Variants in PACS2 observed in about 807,000 individuals in gnomAD.
PACS2 encodes the protein PACS1-like protein.
Under a neutral mutation model 113.0 loss-of-function variants are expected in PACS2, and 36 were observed. That is an observed-to-expected ratio of 0.32 (90% confidence interval 0.24 to 0.42). The LOEUF (loss-of-function observed/expected upper bound fraction) is 0.42, where lower values mean the gene tolerates loss of function less well. Ranked by LOEUF, PACS2 falls within the 10% of genes least tolerant of loss-of-function variation. The pLI is 1.00. For missense variants in PACS2, 1,015 were observed against 1,239.5 expected (o/e 0.82, Z 2.72); for synonymous variants, 589 against 536.1 (o/e 1.10, Z -1.36).
intron 1 of PACS2, among the ~76,000 whole-genome samples, chr14:105,328,228 G>T (rs977449116): frequency 6.6e-6 from 1 of 152,206 alleles, no homozygotes; most frequent in African/African-American, 2.4e-5. Context: ...CACACCCCCT[G>T]CCCCAACCCC....
chr14:105,367,274 C>A lies in PACS2; in HGVS notation c.485C>A (p.Ala162Asp). Residue 162 changes from alanine (A) to aspartate (D), a missense_variant, in exon 5 of 25, where the codon GCC (alanine) becomes GAC (aspartate). This residue lies in a region of PACS2 where 859 missense variants were observed against 1,056.8 expected (regional missense o/e 0.81). Transcript: ENST00000447393. The part of the protein sequence containing the change: ...VLSLCSSIKE[A>D]PVKAAEIWIA... ...AGCCTCTGCAGCAGCATCAAGGAGG[C>A]CCCCGTCAAGGCGGCCGAGATCTGG... The A allele has an allele frequency of 6.2e-7, 1 of 1,613,168 alleles. No individual in the cohort carries two copies. Among genetic ancestry groups the A allele is most frequent in the South Asian group, 1.1e-5 (1 of 91,082 alleles).
intron 1 of PACS2, among the ~76,000 whole-genome samples, chr14:105,337,083 A>G (rs1160998739): frequency 1.3e-5 from 2 of 152,252 alleles, no homozygotes; most frequent in Admixed American, 6.5e-5. Flanking sequence ...CACACTGTGG[A>G]ATATTACTTA....
chr14:105,333,827 G>A (rs747825423), intron 1 of PACS2, among the ~76,000 whole-genome samples: 4 of 152,234 alleles, frequency 2.6e-5, no homozygotes, highest in Non-Finnish European at 5.9e-5. Flanking sequence ...ACAGGGGCTT[G>A]GCCCCGGAGG....
At chr14:105,370,172 T>TG in intron 8 of PACS2, 2 of 373,542 alleles carry the variant, frequency 5.4e-6, no homozygotes, top group African/African-American at 2.1e-5. Context: ...TTAGTTTGTG[T>TG]GTTTTTTTTT....
chr14:105,319,786 C>T (rs2058819732), intron 1 of PACS2, among the ~76,000 whole-genome samples: 1 of 152,088 alleles, frequency 6.6e-6, no homozygotes, highest in Non-Finnish European at 1.5e-5. Flanking sequence ...CCTTTAAGGA[C>T]GATGTTTGCT....
rs587729656 is a variant in PACS2 at position 105,394,878 on chromosome 14, C to G, written c.*206C>G. On this transcript the variant is annotated 3_prime_UTR_variant, in exon 25 of 25. Coordinates refer to ENST00000447393, the MANE Select transcript of PACS2 (RefSeq NM_001100913.3). Reference sequence around the variant, plus strand: ...TGCTCTGCTTATTAACCCGAACGTTCGGCCCGGGGCTGGGAAGCCAGAAGG... The same window carrying G: ...TGCTCTGCTTATTAACCCGAACGTTGGGCCCGGGGCTGGGAAGCCAGAAGG... 1.8e-6 allele frequency: 1 copy of G among 546,998 alleles called. No homozygotes were observed. Among genetic ancestry groups the G allele is most frequent in the East Asian group, 3.1e-5 (1 of 31,906 alleles). 33.9% of individuals were successfully genotyped at this position (546,998 alleles called of 1,614,324 possible). A position where few individuals can be genotyped will look rare whatever the true frequency, so the allele number is the denominator to read the frequency against.
rs782077136 is a variant in PACS2 at position 105,376,495 on chromosome 14, C to T, written c.802-273C>T. On this transcript the variant is annotated intron_variant, in intron 8 of 24. Coordinates refer to ENST00000447393, the MANE Select transcript of PACS2 (RefSeq NM_001100913.3). This position sits in a 1 kb window ranked among gnomAD's most constrained non-coding sequence, Gnocchi z 4.7. ...CCCGTCAGAGCTCACCTGCCTGCAC[C>T]CAGGCCCTCCGTGCACCCTGGCAGC... Among the ~76,000 whole-genome samples, 73 of 152,170 alleles carry T rather than the reference C, an allele frequency of 4.8e-4. 1 individual carries two copies. The highest frequency in any genetic ancestry group is 6.2e-4 in the Non-Finnish European group (42 of 68,020).
chr14:105,364,309 TC>T (rs2060847136), intron 4 of PACS2, among the ~76,000 whole-genome samples: 1 of 85,522 alleles, frequency 1.2e-5, no homozygotes. Context: ...GTGGTGGGCG[TC>T]CCGGGTGCGC....
rs587670629 is a variant in PACS2 at position 105,368,602 on chromosome 14, C to G, written c.741+63C>G. The G allele has an allele frequency of 8.9e-4, 1,159 of 1,300,354 alleles. 7 individuals carry two copies. The African/African-American group carries it at 0.011, about 12-fold the overall frequency. 80.6% of individuals were successfully genotyped at this position (1,300,354 alleles called of 1,614,324 possible). ...GAGGGTCGGGGAGGACGCTGGGAGC[C>G]TGGGCGTGGGGGGGACACGGGCGTG... On this transcript the variant is annotated intron_variant, in intron 7 of 24. Transcript: ENST00000447393.
intron 9 of PACS2, 78 bp from the exon 10 acceptor site, chr14:105,379,657 AGGTG>A: frequency 8.9e-7 from 1 of 1,126,074 alleles, no homozygotes; most frequent in Non-Finnish European, 1.3e-6. Context: ...CTGTCCCTCC[AGGTG>A]TGGTGGGAGA....
At chr14:105,319,168 G>A (rs912484373) in intron 1 of PACS2, among the ~76,000 whole-genome samples, 2 of 144,938 alleles carry the variant, frequency 1.4e-5, no homozygotes, top group East Asian at 2.1e-4. Context: ...GGATGGTCTC[G>A]ATCTCTTGAC....
chr14:105,370,691 C>T (rs1469303620), intron 8 of PACS2: 1 of 152,306 alleles, frequency 6.6e-6, no homozygotes, highest in Non-Finnish European at 1.5e-5. Flanking sequence ...GAGACCCTGT[C>T]TCAAAAGAAA....
chr14:105,317,816 G>A lies in PACS2; in HGVS notation c.119+2779G>A, dbSNP rs1368823880. On this transcript the variant is annotated intron_variant, in intron 1 of 24. Coordinates refer to ENST00000447393, the MANE Select transcript of PACS2 (RefSeq NM_001100913.3). This position sits in a 1 kb window ranked among gnomAD's most constrained non-coding sequence, Gnocchi z 4.2. ...CAGGCTGGGGTGCTGGTCTCGTTTCGGTTCTCCTTCTGGGAGGCAGCCGGA... is the reference window on the plus strand; with the variant it reads ...CAGGCTGGGGTGCTGGTCTCGTTTCAGTTCTCCTTCTGGGAGGCAGCCGGA... Among the ~76,000 whole-genome samples the A allele has an allele frequency of 6.6e-6, 1 of 152,030 alleles. No individual in the cohort carries two copies.
At chr14:105,368,814 A>C (rs1425141382) in intron 7 of PACS2, among the ~76,000 whole-genome samples, 3 of 152,156 alleles carry the variant, frequency 2.0e-5, no homozygotes, top group Admixed American at 6.5e-5. Context: ...GGCTCACTCC[A>C]TGTGCAGAAA....
chr14:105,345,288 TC>T (rs2059881723), intron 1 of PACS2, among the ~76,000 whole-genome samples: 1 of 151,318 alleles, frequency 6.6e-6, no homozygotes, highest in Admixed American at 6.6e-5. Flanking sequence ...GCGCCTGTAG[TC>T]CCAGCTACTC....
At chr14:105,333,060 G>T (rs995838178) in intron 1 of PACS2, among the ~76,000 whole-genome samples, 4 of 152,114 alleles carry the variant, frequency 2.6e-5, no homozygotes, top group Non-Finnish European at 5.9e-5. Flanking sequence ...GATGCAGACC[G>T]AGCCTGGGCC....
At chr14:105,345,852 G>A (rs955458617) in intron 1 of PACS2, among the ~76,000 whole-genome samples, 21 of 152,166 alleles carry the variant, frequency 1.4e-4, no homozygotes, top group African/African-American at 4.8e-4. Flanking sequence ...GTGGGAATCC[G>A]GGCAGCCCCA....
intron 4 of PACS2, 151 bp from the exon 5 acceptor site, chr14:105,367,062 C>G: frequency 1.5e-6 from 1 of 661,780 alleles, no homozygotes; most frequent in Non-Finnish European, 2.6e-6. Context: ...TTCCTGTCCA[C>G]TGGATGCTCC....
intron 1 of PACS2, among the ~76,000 whole-genome samples, chr14:105,327,143 C>T (rs924930299): frequency 1.3e-5 from 2 of 152,242 alleles, no homozygotes; most frequent in Non-Finnish European, 1.5e-5. Context: ...GCGTGAAGAA[C>T]AGCTGCAAGG....
Sources: gnomAD v4.1 joint callset for allele counts (sites outside exome capture counted in the v4.1 genomes callset) on GRCh38, gnomAD v4.1.1 for gene constraint, gnomAD v4.1.1 regional missense constraint, Gnocchi (gnomAD v3.1) non-coding constraint, MANE v1.5 for transcripts, NCBI Gene and HGNC (gene_info 2026-07-23, HGNC 2026-07-21) for gene names.